The following PPP2R5E variants were observed in gnomAD, a reference collection of about 807,000 sequenced individuals.
PPP2R5E encodes protein phosphatase 2 regulatory subunit B'epsilon, also known as serine/threonine-protein phosphatase 2A 56 kDa regulatory subunit epsilon isoform.
PPP2R5E carries 4 observed loss-of-function variants against 65.3 expected under a neutral mutation model. That is an observed-to-expected ratio of 0.06 (90% CI 0.03 to 0.14). The LOEUF (loss-of-function observed/expected upper bound fraction) is 0.14, where lower values mean the gene tolerates loss of function less well. Ranked by LOEUF, PPP2R5E falls within the 10% of genes least tolerant of loss-of-function variation. The pLI, the probability that PPP2R5E is intolerant of heterozygous loss-of-function variation, is 1.00. For synonymous variants in PPP2R5E, 183 were observed against 187.4 expected (o/e 0.98, Z 0.19); for missense variants, 274 against 556.1 (o/e 0.49, Z 5.10).
intron 2 of PPP2R5E, among the ~76,000 whole-genome samples, chr14:63,514,280 TC>T (rs1187242048): frequency 6.6e-6 from 1 of 152,166 alleles, no homozygotes; most frequent in African/African-American, 2.4e-5. Context: ...CACTGCCAGC[TC>T]TCAGTCACAA....
chr14:63,403,471 G>A (rs1320102736), intron 5 of PPP2R5E, among the ~76,000 whole-genome samples: 4 of 151,064 alleles, frequency 2.6e-5, no homozygotes, highest in Admixed American at 2.6e-4. Context: ...TCCCATTCAT[G>A]CTTTCTTAGG....
intron 3 of PPP2R5E, among the ~76,000 whole-genome samples, chr14:63,432,077 T>C (rs116681696): frequency 3.1e-4 from 47 of 151,916 alleles, no homozygotes; most frequent in African/African-American, 1.1e-3. Flanking sequence ...AATACCCAAT[T>C]AGAATTTTTA....
Position 63,506,247 on chromosome 14 carries a change from G to A in PPP2R5E, c.157+33282C>T, listed in dbSNP as rs576953697. Among the ~76,000 whole-genome samples, 4 of 152,184 alleles carry A rather than the reference G, an allele frequency of 2.6e-5. No homozygotes were observed. The East Asian group carries it at 5.8e-4, about 22-fold the overall frequency. On this transcript the variant is annotated intron_variant, in intron 2 of 13. Transcript: ENST00000337537. ...GGGTGGATCACAAGGTCAGGAGATG[G>A]AGACCATCCTGGCTAACATGCTGAA... is the stretch of plus-strand genomic sequence containing the variant.
chr14:63,497,988 C>A (rs955166217), intron 2 of PPP2R5E, among the ~76,000 whole-genome samples: 1 of 152,150 alleles, frequency 6.6e-6, no homozygotes, highest in African/African-American at 2.4e-5. Context: ...TAGAATAATA[C>A]ATTTGGTATG....
intron 4 of PPP2R5E, among the ~76,000 whole-genome samples, chr14:63,416,087 C>A (rs1159836334): frequency 6.6e-6 from 1 of 152,188 alleles, no homozygotes; most frequent in East Asian, 1.9e-4. Flanking sequence ...GGAATCACTG[C>A]GTATTCTCTT....
intron 2 of PPP2R5E, among the ~76,000 whole-genome samples, chr14:63,472,708 AGAGT>A (rs1349707035): frequency 1.3e-5 from 2 of 152,266 alleles, no homozygotes; most frequent in Non-Finnish European, 2.9e-5. Flanking sequence ...CACAGAGGTG[AGAGT>A]GAGCACATTA....
intron 2 of PPP2R5E, among the ~76,000 whole-genome samples, chr14:63,525,570 C>T (rs1219181497): frequency 6.6e-6 from 1 of 152,140 alleles, no homozygotes; most frequent in Non-Finnish European, 1.5e-5. Context: ...TGTTCCTAGC[C>T]TTTGGAGAAA....
chr14:63,495,689 G>A (rs537968045), intron 2 of PPP2R5E, among the ~76,000 whole-genome samples: 10 of 151,684 alleles, frequency 6.6e-5, no homozygotes, highest in South Asian at 2.1e-4. Context: ...CATTTTTGGG[G>A]TTTTTTTGTT....
At chr14:63,511,091 G>A (rs1892434452) in intron 2 of PPP2R5E, among the ~76,000 whole-genome samples, 2 of 152,206 alleles carry the variant, frequency 1.3e-5, no homozygotes, top group African/African-American at 4.8e-5. Context: ...TCATGCCACT[G>A]CAGTATAATT....
At chr14:63,468,482 C>G (rs1889951253) in intron 2 of PPP2R5E, among the ~76,000 whole-genome samples, 1 of 152,196 alleles carries the variant, frequency 6.6e-6, no homozygotes, top group South Asian at 2.1e-4. Context: ...GTACATGCAT[C>G]AGCAACGTGT....
At chr14:63,491,374 AT>A (rs34666152) in intron 2 of PPP2R5E, among the ~76,000 whole-genome samples, 3,573 of 152,120 alleles carry the variant, frequency 0.023, 139 homozygotes, top group African/African-American at 0.082. Context: ...TGAATCTATA[AT>A]TTTAAAAAAA....
chr14:63,382,549 G>C (rs564170767), intron 12 of PPP2R5E, among the ~76,000 whole-genome samples: 5 of 152,184 alleles, frequency 3.3e-5, no homozygotes, highest in South Asian at 2.1e-4. Context: ...TTACAGAAGC[G>C]AGCCACCACA....
intron 2 of PPP2R5E, among the ~76,000 whole-genome samples, chr14:63,519,395 G>A (rs1343314196): frequency 2.0e-5 from 3 of 151,838 alleles, no homozygotes; most frequent in Admixed American, 1.3e-4. Flanking sequence ...CTGTCACCCA[G>A]GCTGGAGTGC....
intron 2 of PPP2R5E, among the ~76,000 whole-genome samples, chr14:63,490,873 C>T (rs1891253176): frequency 6.6e-6 from 1 of 152,034 alleles, no homozygotes; most frequent in Non-Finnish European, 1.5e-5. Flanking sequence ...CCCAGCAATT[C>T]CATTACCGGA....
At chr14:63,492,304 C>T (rs1166203236) in intron 2 of PPP2R5E, among the ~76,000 whole-genome samples, 2 of 152,064 alleles carry the variant, frequency 1.3e-5, no homozygotes, top group Non-Finnish European at 2.9e-5. Context: ...AGGAGACTTA[C>T]TTCATGAGAC....
intron 3 of PPP2R5E, among the ~76,000 whole-genome samples, chr14:63,430,385 A>ACATACATACATG (rs1887592815): frequency 5.7e-5 from 8 of 140,894 alleles, no homozygotes; most frequent in African/African-American, 9.2e-5. Context: ...ATGCATACAT[A>ACATACATACATG]CATACATACA....
At chr14:63,459,622 A>G (rs1441928636) in intron 2 of PPP2R5E, among the ~76,000 whole-genome samples, 2 of 152,200 alleles carry the variant, frequency 1.3e-5, no homozygotes, top group Non-Finnish European at 2.9e-5. Flanking sequence ...TTATTATTGT[A>G]TTCAAAGAAG....
chr14:63,392,333 A>G lies in PPP2R5E; in HGVS notation c.850-308T>C, dbSNP rs541968268. Among the ~76,000 whole-genome samples the G allele has an allele frequency of 9.2e-5, 14 of 152,372 alleles. 1 individual carries two copies. Among genetic ancestry groups the G allele is most frequent in the African/African-American group, 3.4e-4 (14 of 41,592 alleles). On this transcript the variant is annotated intron_variant, in intron 8 of 13. Transcript: ENST00000337537. ...CATATTGTGGAATTATCTCACCTAC[A>G]TACACTTTGAGCTACATCTCAGGGG...
At chr14:63,534,240 C>T (rs762364608) in intron 2 of PPP2R5E, among the ~76,000 whole-genome samples, 2 of 151,950 alleles carry the variant, frequency 1.3e-5, no homozygotes, top group Non-Finnish European at 2.9e-5. Flanking sequence ...ACAGTCAAGG[C>T]TTGCTTCATG....
Sources: gnomAD v4.1 joint callset for allele counts (sites outside exome capture counted in the v4.1 genomes callset) on GRCh38, gnomAD v4.1.1 for gene constraint, MANE v1.5 for transcripts, NCBI Gene and HGNC (gene_info 2026-07-23, HGNC 2026-07-21) for gene names.